NOSTRIN: variants seen among roughly 807,000 people sequenced by gnomAD.
NOSTRIN encodes nitric oxide synthase trafficking.
In NOSTRIN, 63 loss-of-function variants were observed where a neutral mutation model predicts 59.0. The observed-to-expected ratio is 1.07, with a 90% CI of 0.87 to 1.32. The LOEUF is 1.32. Among genes scored for constraint, NOSTRIN ranks in the 40% most tolerant of loss-of-function variants. The pLI, the probability that NOSTRIN is intolerant of heterozygous loss-of-function variation, is 0.00. For synonymous variants in NOSTRIN, 200 were observed against 165.4 expected (o/e 1.21, Z -1.61); for missense variants, 512 against 473.1 (o/e 1.08, Z -0.76).
upstream of NOSTRIN, chr2:168,798,082 G>A (rs746501938): frequency 8.6e-5 from 13 of 151,834 alleles, no homozygotes; most frequent in East Asian, 3.9e-4. Flanking sequence ...CTATGTAAAC[G>A]TTATATAAAT....
chr2:168,825,473 C>T (rs1220874601), intron 3 of NOSTRIN, among the ~76,000 whole-genome samples: 1 of 152,160 alleles, frequency 6.6e-6, no homozygotes, highest in Non-Finnish European at 1.5e-5. Context: ...TGGCTTTTGA[C>T]AAGTAACCTG....
intron 2 of NOSTRIN, among the ~76,000 whole-genome samples, chr2:168,791,470 A>G (rs1435960381): frequency 1.3e-5 from 2 of 152,204 alleles, no homozygotes; most frequent in East Asian, 1.9e-4. Flanking sequence ...CTTTGTGTTT[A>G]TAGCAGCATG....
At chr2:168,817,484 A>G (rs1398063296) in intron 2 of NOSTRIN, among the ~76,000 whole-genome samples, 2 of 152,342 alleles carry the variant, frequency 1.3e-5, no homozygotes, top group Non-Finnish European at 1.5e-5. Context: ...ACTGGTATTT[A>G]TATGATACAG....
chr2:168,802,704 C>A (rs202204045), intron 1 of NOSTRIN, 31 bp downstream of exon 1: 106 of 866,354 alleles, frequency 1.2e-4, no homozygotes, highest in Non-Finnish European at 8.2e-5. Context: ...TGTGTGCCTG[C>A]GTGTGAGGAG....
intron 2 of NOSTRIN, among the ~76,000 whole-genome samples, chr2:168,819,526 A>T (rs1302374039): frequency 6.6e-6 from 1 of 152,198 alleles, no homozygotes; most frequent in Admixed American, 6.5e-5. Flanking sequence ...ATCTGTTGAG[A>T]TAAAAGCCGT....
At chr2:168,788,025 G>A (rs1233601436) in exon 2 of NOSTRIN, 1 of 151,568 alleles carries the variant, frequency 6.6e-6, no homozygotes, top group Non-Finnish European at 1.5e-5. Flanking sequence ...AGATAAATCA[G>A]CAAAGAAAAT....
chr2:168,811,452 C>T (rs1277387379), intron 1 of NOSTRIN, 115 bp from the exon 2 acceptor site: 1 of 503,154 alleles, frequency 2.0e-6, no homozygotes, highest in Non-Finnish European at 3.5e-6. Flanking sequence ...CTGCACGATC[C>T]TTTATAATGA....
upstream of NOSTRIN, chr2:168,801,052 C>A (rs1313988768): frequency 6.6e-6 from 1 of 151,524 alleles, no homozygotes; most frequent in African/African-American, 2.4e-5. Flanking sequence ...ACCTAAATTT[C>A]TTTTATTATA....
intron 2 of NOSTRIN, among the ~76,000 whole-genome samples, chr2:168,793,088 C>A (rs1180081473): frequency 6.6e-6 from 1 of 152,180 alleles, no homozygotes; most frequent in East Asian, 1.9e-4. Flanking sequence ...GAAACTTGGG[C>A]TTCGTTCTAG....
upstream of NOSTRIN, chr2:168,798,075 T>C (rs985017330): frequency 6.6e-6 from 1 of 152,212 alleles, no homozygotes; most frequent in African/African-American, 2.4e-5. Flanking sequence ...CCTAATGCTA[T>C]GTAAACGTTA....
At chr2:168,797,879 T>C (rs1454040868), upstream of NOSTRIN, among the ~76,000 whole-genome samples, 1 of 152,094 alleles carries the variant, frequency 6.6e-6, no homozygotes, top group Non-Finnish European at 1.5e-5. Flanking sequence ...CCTCAAATGA[T>C]AACTGTGATG....
intron 12 of NOSTRIN, among the ~76,000 whole-genome samples, chr2:168,858,553 G>C (rs1689253169): frequency 6.6e-6 from 1 of 152,184 alleles, no homozygotes; most frequent in Non-Finnish European, 1.5e-5. Flanking sequence ...TGTCTTTAGA[G>C]ACCAGAAAGA....
chr2:168,841,821 C>T (rs1474975856), intron 7 of NOSTRIN, among the ~76,000 whole-genome samples: 1 of 152,162 alleles, frequency 6.6e-6, no homozygotes, highest in Non-Finnish European at 1.5e-5. Flanking sequence ...GAACGAAGTT[C>T]CAAATATACA....
chr2:168,860,716 C>A, intron 13 of NOSTRIN, 79 bp from the exon 14 acceptor site: 5 of 851,136 alleles, frequency 5.9e-6, no homozygotes, highest in East Asian at 2.6e-5. Flanking sequence ...TTGAGGAAAA[C>A]AGCTACAGAA....
At chr2:168,833,978 A>T (rs1263679514) in intron 6 of NOSTRIN, among the ~76,000 whole-genome samples, 1 of 152,208 alleles carries the variant, frequency 6.6e-6, no homozygotes, top group Admixed American at 6.5e-5. Context: ...AGGGTACCCG[A>T]TATAATGAAA....
At chr2:168,837,928 T>C (rs1007291416) in intron 7 of NOSTRIN, among the ~76,000 whole-genome samples, 5 of 152,204 alleles carry the variant, frequency 3.3e-5, no homozygotes, top group African/African-American at 1.2e-4. Context: ...ATGGGCTCCC[T>C]TTTTTGGCCT....
intron 2 of NOSTRIN, 100 bp downstream of exon 2, chr2:168,811,752 T>C (rs1686148082): frequency 1.8e-6 from 1 of 547,074 alleles, no homozygotes; most frequent in Non-Finnish European, 3.2e-6. Flanking sequence ...TTCCAGAATG[T>C]GGTGTTATAT....
upstream of NOSTRIN, among the ~76,000 whole-genome samples, chr2:168,800,631 C>T (rs997438766): frequency 1.3e-5 from 2 of 152,116 alleles, no homozygotes; most frequent in Admixed American, 6.6e-5. Flanking sequence ...AATTCGTATA[C>T]AAAGATCACA....
At chr2:168,809,525 C>T (rs928173114) in intron 1 of NOSTRIN, among the ~76,000 whole-genome samples, 1 of 152,060 alleles carries the variant, frequency 6.6e-6, no homozygotes, top group Non-Finnish European at 1.5e-5. Flanking sequence ...TAGAAGAAAA[C>T]AAAAGGCTTA....
Sources: gnomAD v4.1 joint callset for allele counts (sites outside exome capture counted in the v4.1 genomes callset) on GRCh38, gnomAD v4.1.1 for gene constraint, MANE v1.5 for transcripts, NCBI Gene and HGNC (gene_info 2026-07-23, HGNC 2026-07-21) for gene names.